CPQ: variants seen among roughly 807,000 people sequenced by gnomAD.
The protein encoded by CPQ is carboxypeptidase Q.
CPQ carries 37 observed loss-of-function variants against 45.7 expected under a neutral mutation model. The ratio of observed to expected loss-of-function variants is 0.81; its 90% confidence interval spans 0.62 to 1.07. CPQ has a LOEUF of 1.07. Ranked by LOEUF, CPQ falls within the 50% of genes least tolerant of loss-of-function variation. The probability of loss-of-function intolerance (pLI) is 0.00; values close to 1 mark genes in which losing one functional copy is unlikely to be tolerated. For missense variants in CPQ, 537 were observed against 572.9 expected, an observed-to-expected ratio of 0.94 and a Z score of 0.64; for synonymous variants, 186 against 205.8, an observed-to-expected ratio of 0.90 and a Z score of 0.82.
chr8:97,032,813 G>A (rs983076006), intron 6 of CPQ, among the ~76,000 whole-genome samples: 1 of 152,152 alleles, frequency 6.6e-6, no homozygotes, highest in African/African-American at 2.4e-5. Flanking sequence ...AACTTTAAAT[G>A]CACACATAAG....
At chr8:97,039,573 G>A (rs1467417178) in intron 6 of CPQ, among the ~76,000 whole-genome samples, 11 of 151,376 alleles carry the variant, frequency 7.3e-5, no homozygotes, top group Admixed American at 3.3e-4. Context: ...ATGCTGGTGT[G>A]CTGCACCCAT....
chr8:96,734,495 A>G (rs1809952375), intron 1 of CPQ, among the ~76,000 whole-genome samples: 1 of 152,082 alleles, frequency 6.6e-6, no homozygotes, highest in African/African-American at 2.4e-5. Flanking sequence ...ACGGATCACA[A>G]GGTCAGGAGA....
intron 2 of CPQ, among the ~76,000 whole-genome samples, chr8:96,795,669 C>T (rs2130818244): frequency 6.6e-6 from 1 of 152,048 alleles, no homozygotes. Flanking sequence ...TTTAAATATG[C>T]AATAATTAAT....
intron 6 of CPQ, among the ~76,000 whole-genome samples, chr8:97,037,042 A>C (rs1810017323): frequency 6.6e-6 from 1 of 152,226 alleles, no homozygotes; most frequent in Non-Finnish European, 1.5e-5. Context: ...TGAAAAAGCA[A>C]AATTGAATAT....
chr8:96,765,412 C>A (rs1281838847), intron 1 of CPQ, among the ~76,000 whole-genome samples: 3 of 151,950 alleles, frequency 2.0e-5, no homozygotes, highest in Non-Finnish European at 4.4e-5. Flanking sequence ...GAAGTTGTGA[C>A]AGTGAATGTG....
chr8:97,095,454 T>C (rs1206264384), intron 7 of CPQ, among the ~76,000 whole-genome samples: 2 of 152,166 alleles, frequency 1.3e-5, no homozygotes, highest in Non-Finnish European at 2.9e-5. Context: ...ACTGCTGCCT[T>C]AGTTAAGGCA....
intron 4 of CPQ, among the ~76,000 whole-genome samples, chr8:96,933,024 T>C (rs1192840364): frequency 2.0e-5 from 3 of 152,196 alleles, no homozygotes; most frequent in African/African-American, 7.2e-5. Flanking sequence ...CCACAATAGA[T>C]TAAAGAGATG....
rs192641478 is a variant in CPQ, at chr8:96,861,018, T to G, written c.642-18780T>G. On this transcript the variant is annotated intron_variant, in intron 3 of 7. Coordinates refer to ENST00000220763, the MANE Select transcript of CPQ (RefSeq NM_016134.4). ...AATATAACGGAGGAAGGGTCAGAAA[T>G]AAAGCAATCTTTCTTTCTTCTGGAC... Among the ~76,000 whole-genome samples, 210 of 152,236 alleles carry G rather than the reference T, an allele frequency of 1.4e-3. 2 individuals are homozygous for G. The highest frequency in any genetic ancestry group is 0.01 in the Admixed American group (155 of 15,286).
chr8:96,882,309 C>A (rs1812235424), intron 4 of CPQ, among the ~76,000 whole-genome samples: 1 of 152,180 alleles, frequency 6.6e-6, no homozygotes, highest in South Asian at 2.1e-4. Flanking sequence ...AATAGACAAG[C>A]CCAGCCCCTT....
At chr8:96,845,151 A>G (rs144425171) in intron 3 of CPQ, among the ~76,000 whole-genome samples, 101 of 152,306 alleles carry the variant, frequency 6.6e-4, no homozygotes, top group African/African-American at 2.3e-3. Flanking sequence ...GCCTTTCCTG[A>G]CTATACTAAG....
chr8:97,081,593 C>G (rs1352184549), intron 7 of CPQ, among the ~76,000 whole-genome samples: 1 of 152,170 alleles, frequency 6.6e-6, no homozygotes, highest in Admixed American at 6.5e-5. Flanking sequence ...CCAAGAACCT[C>G]TTCATCTCCC....
intron 2 of CPQ, among the ~76,000 whole-genome samples, chr8:96,788,882 ATTCT>A (rs1219471681): frequency 1.3e-5 from 2 of 151,888 alleles, no homozygotes; most frequent in Non-Finnish European, 2.9e-5. Flanking sequence ...AAGCTTACTG[ATTCT>A]TTCTTCTATT....
intron 4 of CPQ, among the ~76,000 whole-genome samples, chr8:96,924,585 A>T (rs140454926): frequency 4.8e-4 from 73 of 152,312 alleles, no homozygotes; most frequent in African/African-American, 1.7e-3. Context: ...CTAAAGGCTA[A>T]TGCAGTTTGC....
chr8:96,793,743 G>A (rs544552110), intron 2 of CPQ, among the ~76,000 whole-genome samples: 8 of 152,284 alleles, frequency 5.3e-5, no homozygotes, highest in Non-Finnish European at 1.0e-4. Context: ...TCAAAAGCAA[G>A]CTAGTTACTT....
At chr8:96,679,441 T>C (rs1027697332) in intron 1 of CPQ, among the ~76,000 whole-genome samples, 4 of 152,170 alleles carry the variant, frequency 2.6e-5, no homozygotes, top group Non-Finnish European at 5.9e-5. Context: ...CCTCATAGAA[T>C]GAATTAGGAA....
chr8:97,055,648 A>G (rs1810443416), intron 6 of CPQ: 1 of 152,204 alleles, frequency 6.6e-6, no homozygotes, highest in Non-Finnish European at 1.5e-5. Context: ...GTCGGAGAGT[A>G]AGTCTATGTT....
intron 7 of CPQ, among the ~76,000 whole-genome samples, chr8:97,140,619 A>G (rs1201049927): frequency 6.6e-6 from 1 of 152,060 alleles, no homozygotes; most frequent in African/African-American, 2.4e-5. Context: ...TTCTAATAAA[A>G]AGATGTTCGG....
intron 5 of CPQ, among the ~76,000 whole-genome samples, chr8:97,011,749 TA>T (rs1809488563): frequency 1.3e-5 from 2 of 152,202 alleles, no homozygotes; most frequent in Admixed American, 6.5e-5. Context: ...AGCTATTATC[TA>T]AAAACATTTA....
rs1270075757 is a variant in CPQ, at chr8:96,874,113, CTT to C, written c.642-5684_642-5683del. On this transcript the variant is annotated intron_variant, in intron 3 of 7. Coordinates refer to ENST00000220763, the MANE Select transcript of CPQ (RefSeq NM_016134.4). ...ATGAAATTTGAAAAACTGATTAAGA[CTT>C]ATATTTGTTCATGTTCATTTTATAT... Among the ~76,000 whole-genome samples the C allele has an allele frequency of 4.0e-5, 6 of 151,850 alleles. No individual in the cohort carries two copies. The East Asian group carries it at 5.8e-4, about 15-fold the overall frequency.
Sources: allele counts gnomAD v4.1 joint callset (sites outside exome capture counted in the v4.1 genomes callset), GRCh38; gene constraint gnomAD v4.1.1; transcripts MANE v1.5; gene names NCBI Gene and HGNC (gene_info 2026-07-23, HGNC 2026-07-21).